Variants in DIAPH3 observed in about 807,000 individuals in gnomAD.
DIAPH3 encodes protein diaphanous homolog 3.
In DIAPH3, 117 loss-of-function variants were observed where a neutral mutation model predicts 144.3. That is an observed-to-expected ratio of 0.81 (90% confidence interval 0.70 to 0.95). The LOEUF (loss-of-function observed/expected upper bound fraction) is 0.95. Ranked by LOEUF, DIAPH3 falls within the 40% of genes least tolerant of loss-of-function variation. The probability of loss-of-function intolerance (pLI) is 0.00; values close to 1 mark genes in which losing one functional copy is unlikely to be tolerated. For missense variants in DIAPH3, 1,421 were observed against 1,412.7 expected (o/e 1.01, Z -0.09); for synonymous variants, 519 against 488.9 (o/e 1.06, Z -0.81).
At chr13:60,024,568 C>T (rs1157223015) in intron 5 of DIAPH3, among the ~76,000 whole-genome samples, 1 of 145,156 alleles carries the variant, frequency 6.9e-6, no homozygotes, top group Non-Finnish European at 1.5e-5. Flanking sequence ...TTAAAAGATT[C>T]TTGTCAGATA....
chr13:59,887,018 T>C (rs1256687870), intron 20 of DIAPH3, among the ~76,000 whole-genome samples: 1 of 152,086 alleles, frequency 6.6e-6, no homozygotes, highest in Admixed American at 6.5e-5. Context: ...TTAAGTTGAG[T>C]ATAACTCCAG....
chr13:59,728,296 ACTT>A (rs1380841925), intron 27 of DIAPH3, among the ~76,000 whole-genome samples: 1 of 151,930 alleles, frequency 6.6e-6, no homozygotes, highest in African/African-American at 2.4e-5. Flanking sequence ...TCCTAAGAAA[ACTT>A]CTATAGATAA....
chr13:59,704,498 T>C (rs1354404369), intron 27 of DIAPH3, among the ~76,000 whole-genome samples: 2 of 152,212 alleles, frequency 1.3e-5, no homozygotes, highest in Non-Finnish European at 2.9e-5. Context: ...ATTTTTTTCT[T>C]AGCACTCTTT....
Position 59,980,193 on chromosome 13 carries a change from G to A in DIAPH3, c.1545+602C>T, listed in dbSNP as rs1259079713. On this transcript the variant is annotated intron_variant, in intron 14 of 27. Transcript: ENST00000400324. ...AGTTGAAACAAAACTGGTTTTGTTT[G>A]TGTAATATCCAACAGCTATGACCTA... Among the ~76,000 whole-genome samples the A allele has an allele frequency of 2.0e-5, 3 of 151,576 alleles. No homozygotes were observed. The East Asian group carries it at 5.8e-4, about 29-fold the overall frequency.
At chr13:59,790,506 C>A (rs923221663) in intron 25 of DIAPH3, among the ~76,000 whole-genome samples, 2 of 152,168 alleles carry the variant, frequency 1.3e-5, no homozygotes, top group African/African-American at 4.8e-5. Context: ...GTATTCATTA[C>A]CTTTGTTTCA....
chr13:59,670,358 C>T (rs374665167), intron 27 of DIAPH3, among the ~76,000 whole-genome samples: 1 of 152,146 alleles, frequency 6.6e-6, no homozygotes, highest in Non-Finnish European at 1.5e-5. Flanking sequence ...GATAACAACT[C>T]TTCATTCCCA....
chr13:60,147,817 A>G (rs910553905), intron 1 of DIAPH3, among the ~76,000 whole-genome samples: 2 of 152,210 alleles, frequency 1.3e-5, no homozygotes, highest in Non-Finnish European at 2.9e-5. Flanking sequence ...TGCAGGAGAG[A>G]AACTGAAGGG....
chr13:59,726,386 CTGAGTA>C (rs2035602765), intron 27 of DIAPH3, among the ~76,000 whole-genome samples: 1 of 152,166 alleles, frequency 6.6e-6, no homozygotes, highest in Admixed American at 6.5e-5. Context: ...ACCAGTTAAT[CTGAGTA>C]TAACACTTTG....
intron 27 of DIAPH3, among the ~76,000 whole-genome samples, chr13:59,689,807 G>GTGTGTA (rs1555272718): frequency 6.6e-6 from 1 of 151,722 alleles, no homozygotes; most frequent in South Asian, 2.1e-4. Flanking sequence ...GTGTGTGTGT[G>GTGTGTA]TGTATGTATG....
chr13:59,718,188 G>A (rs1022412084), intron 27 of DIAPH3, among the ~76,000 whole-genome samples: 1 of 151,808 alleles, frequency 6.6e-6, no homozygotes, highest in Non-Finnish European at 1.5e-5. Flanking sequence ...CTGATGCCAC[G>A]CTGCTGGTGG....
intron 4 of DIAPH3, among the ~76,000 whole-genome samples, chr13:60,089,534 G>C (rs2057862285): frequency 6.6e-6 from 1 of 152,064 alleles, no homozygotes; most frequent in South Asian, 2.1e-4. Context: ...AGCATTCTCT[G>C]TTCTGGTCCA....
intron 4 of DIAPH3, among the ~76,000 whole-genome samples, chr13:60,050,630 T>C (rs146034132): frequency 1.4e-3 from 215 of 152,276 alleles, no homozygotes; most frequent in African/African-American, 5.0e-3. Flanking sequence ...TCTAAAATAT[T>C]TACTGTGTGG....
intron 9 of DIAPH3, among the ~76,000 whole-genome samples, chr13:60,006,625 A>G (rs1184629377): frequency 2.0e-5 from 3 of 152,210 alleles, no homozygotes; most frequent in African/African-American, 7.2e-5. Flanking sequence ...AATAGAAAGG[A>G]AAAAGAAAAG....
At chr13:59,977,094 C>A (rs1017721014) in intron 14 of DIAPH3, among the ~76,000 whole-genome samples, 3 of 151,630 alleles carry the variant, frequency 2.0e-5, no homozygotes, top group Non-Finnish European at 4.4e-5. Flanking sequence ...CGAGATATGC[C>A]CCCTCAGAGT....
At chr13:59,737,865 T>C (rs2036237568) in intron 27 of DIAPH3, among the ~76,000 whole-genome samples, 1 of 152,172 alleles carries the variant, frequency 6.6e-6, no homozygotes, top group African/African-American at 2.4e-5. Context: ...CCTATCTTCT[T>C]CATTTAAAAT....
intron 18 of DIAPH3, among the ~76,000 whole-genome samples, chr13:59,921,441 G>C (rs1054483902): frequency 6.6e-6 from 1 of 151,494 alleles, no homozygotes; most frequent in East Asian, 1.9e-4. Flanking sequence ...AGACTATTTT[G>C]AATAATTTCT....
intron 4 of DIAPH3, among the ~76,000 whole-genome samples, chr13:60,089,151 T>A (rs1057430712): frequency 1.3e-5 from 2 of 151,796 alleles, no homozygotes; most frequent in Non-Finnish European, 2.9e-5. Context: ...TACAAGAAAA[T>A]AAGCATTAAT....
chr13:59,689,442 G>A (rs901480824), intron 27 of DIAPH3, among the ~76,000 whole-genome samples: 18 of 151,944 alleles, frequency 1.2e-4, no homozygotes, highest in African/African-American at 3.6e-4. Flanking sequence ...AAACAGAGTC[G>A]TCATCAGCAA....
At chr13:60,151,166 GAACTT>G (rs76362654) in intron 1 of DIAPH3, among the ~76,000 whole-genome samples, 5,645 of 151,924 alleles carry the variant, frequency 0.037, 165 homozygotes, top group East Asian at 0.1. Context: ...CAATAACTGA[GAACTT>G]AACACTATAG....
Sources: allele counts gnomAD v4.1 joint callset (sites outside exome capture counted in the v4.1 genomes callset), GRCh38; gene constraint gnomAD v4.1.1; transcripts MANE v1.5; gene names NCBI Gene and HGNC (gene_info 2026-07-23, HGNC 2026-07-21).